The following VAC14 variants were observed in gnomAD, a reference collection of about 807,000 sequenced individuals.
The protein encoded by VAC14 is protein VAC14 homolog.
Under a neutral mutation model 85.3 loss-of-function variants are expected in VAC14, and 47 were observed. The observed-to-expected ratio is 0.55, with a 90% confidence interval of 0.44 to 0.70. The LOEUF (loss-of-function observed/expected upper bound fraction) is 0.70, where lower values mean the gene tolerates loss of function less well. VAC14 is among the 30% of genes least tolerant of loss of function. VAC14 has a pLI of 0.00. For synonymous variants in VAC14, 447 were observed against 430.5 expected, an observed-to-expected ratio of 1.04 and a Z score of -0.47; for missense variants, 861 against 1,004.3, an observed-to-expected ratio of 0.86 and a Z score of 1.93.
intron 12 of VAC14, among the ~76,000 whole-genome samples, chr16:70,746,157 TCTC>T (rs745759060): frequency 3.9e-5 from 6 of 152,130 alleles, no homozygotes; most frequent in East Asian, 1.9e-4. Flanking sequence ...AATTGTCACT[TCTC>T]CTCCTGGTTC....
Position 70,792,233 on chromosome 16 carries a change from A to G in VAC14, c.105-5868T>C, listed in dbSNP as rs549156756. ...GGAAGCAGAGTAAGTGCAGTTGAAA[A>G]CCTGGGCAGCCCCAGTTCCAGGTTT... On this transcript the variant is annotated intron_variant, in intron 1 of 18. Transcript: ENST00000261776. 2.6e-5 allele frequency among the ~76,000 whole-genome samples: 4 copies of G among 152,202 alleles called. No individual in the cohort carries two copies. In the South Asian group the frequency reaches 8.3e-4, roughly 32 times the overall value.
intron 14 of VAC14, among the ~76,000 whole-genome samples, chr16:70,727,487 G>A (rs576587447): frequency 6.6e-6 from 1 of 152,312 alleles, no homozygotes; most frequent in East Asian, 1.9e-4. Flanking sequence ...TTATAGGCAT[G>A]TGCCACCATG....
At chr16:70,797,090 A>C (rs112870520) in intron 1 of VAC14, among the ~76,000 whole-genome samples, 24 of 152,344 alleles carry the variant, frequency 1.6e-4, no homozygotes, top group African/African-American at 5.8e-4. Flanking sequence ...AATTAAAAAA[A>C]TTCAAGAACA....
In VAC14 at chr16:70,731,699, T is replaced by C. The variant is rs2054596681; in HGVS notation, c.1529-72A>G. ...ACAGGGTGATGAGATCCACACAGAA[T>C]ATAAACAACTATAAATGCCAAAAAG... On this transcript the variant is annotated intron_variant, in intron 13 of 18. Transcript: ENST00000261776. 6 of 1,467,850 alleles carry C rather than the reference T, an allele frequency of 4.1e-6. No individual in the cohort carries two copies. In the Admixed American group the frequency reaches 1.1e-4, roughly 26 times the overall value. 90.9% of individuals were successfully genotyped at this position (1,467,850 alleles called of 1,614,324 possible). A position where few individuals can be genotyped will look rare whatever the true frequency, so the allele number is the denominator to read the frequency against.
At chr16:70,695,894 G>A (rs1375913103) in intron 16 of VAC14, 2 of 338,392 alleles carry the variant, frequency 5.9e-6, no homozygotes, top group Non-Finnish European at 1.1e-5. Flanking sequence ...TCACAGCGCT[G>A]CAGCCCGTTG....
intron 9 of VAC14, among the ~76,000 whole-genome samples, chr16:70,777,687 G>A (rs564926545): frequency 2.0e-5 from 3 of 152,226 alleles, no homozygotes; most frequent in Admixed American, 1.3e-4. Context: ...AGAGGAGGAG[G>A]GAGAAGATGC....
rs141398233 is a variant in VAC14 at position 70,738,690 on chromosome 16, A to G, written c.1528+5733T>C. On this transcript the variant is annotated intron_variant, in intron 13 of 18. Coordinates refer to ENST00000261776, the MANE Select transcript of VAC14 (RefSeq NM_018052.5). The stretch of plus-strand genomic sequence containing the variant: ...TCTGGGCAGCAGTGCCGGGGGCCTC[A>G]GGCTCAGGTGATTGGTGCCCCTGCC... Among the ~76,000 whole-genome samples, 559 of 152,348 alleles carry G rather than the reference A, an allele frequency of 3.7e-3. 2 individuals are homozygous for G. The highest frequency in any genetic ancestry group is 0.015 in the South Asian group (71 of 4,828).
intron 1 of VAC14, among the ~76,000 whole-genome samples, chr16:70,790,668 C>T (rs2034293936): frequency 6.6e-6 from 1 of 152,100 alleles, no homozygotes; most frequent in Non-Finnish European, 1.5e-5. Context: ...GGCGTTCCCT[C>T]CCCACCCCCT....
In VAC14 at chr16:70,746,238, C is replaced by G. The variant is rs114305425; in HGVS notation, c.1372-1659G>C. ...CATTCCCGCCCCCTCAGTCTTCAAACAGTGTCACGTGTTGGCACGCAATCT... is the reference window on the plus strand; with the variant it reads ...CATTCCCGCCCCCTCAGTCTTCAAAGAGTGTCACGTGTTGGCACGCAATCT... On this transcript the variant is annotated intron_variant, in intron 12 of 18. Coordinates refer to ENST00000261776, the MANE Select transcript of VAC14 (RefSeq NM_018052.5). Among the ~76,000 whole-genome samples, 657 of 152,272 alleles carry G rather than the reference C, an allele frequency of 4.3e-3. 7 individuals are homozygous for G. The highest frequency in any genetic ancestry group is 0.015 in the African/African-American group (629 of 41,554).
In VAC14 at chr16:70,798,472, G is replaced by A. The variant is rs113792414; in HGVS notation, c.104+2325C>T. Among the ~76,000 whole-genome samples the A allele has an allele frequency of 5.9e-5, 9 of 152,328 alleles. 1 individual carries two copies. The highest frequency in any genetic ancestry group is 2.2e-4 in the African/African-American group (9 of 41,580). On this transcript the variant is annotated intron_variant, in intron 1 of 18. Coordinates refer to ENST00000261776, the MANE Select transcript of VAC14 (RefSeq NM_018052.5). ...TATGTGTACCTGACACATAGAAAGT[G>A]CTCAGACAAGCAAAATGCTGGTGCT...
chr16:70,797,819 C>T (rs1379671593), intron 1 of VAC14, among the ~76,000 whole-genome samples: 1 of 152,100 alleles, frequency 6.6e-6, no homozygotes, highest in East Asian at 1.9e-4. Context: ...GCAGCACCTC[C>T]CTGCTCACTC....
chr16:70,769,286 C>G (rs1473049689), intron 10 of VAC14: 1 of 155,830 alleles, frequency 6.4e-6, no homozygotes, highest in Non-Finnish European at 1.4e-5. Context: ...CTGGGCAGAC[C>G]TGAACTGAGT....
At chr16:70,717,189 C>T (rs1341501377) in intron 14 of VAC14, among the ~76,000 whole-genome samples, 1 of 152,242 alleles carries the variant, frequency 6.6e-6, no homozygotes, top group Admixed American at 6.5e-5. Context: ...AGCACCAGCG[C>T]ACTCTGGCCA....
intron 12 of VAC14, among the ~76,000 whole-genome samples, chr16:70,748,806 T>G (rs1001948857): frequency 6.6e-6 from 1 of 152,106 alleles, no homozygotes; most frequent in Non-Finnish European, 1.5e-5. Context: ...AATTAGTTGG[T>G]ATGGTGCTGC....
rs113708499 is a variant in VAC14, at chr16:70,758,073, G to C, written c.1371+4467C>G. Among the ~76,000 whole-genome samples the C allele has an allele frequency of 7.8e-4, 119 of 152,216 alleles. 1 individual carries two copies. Among genetic ancestry groups the C allele is most frequent in the African/African-American group, 2.8e-3 (116 of 41,512 alleles). On this transcript the variant is annotated intron_variant, in intron 12 of 18. Coordinates refer to ENST00000261776, the MANE Select transcript of VAC14 (RefSeq NM_018052.5). ...TCACATCAAAATTACAAAACACTGA[G>C]AGTACTCATCATAAGTGAATAAAAC... is the stretch of plus-strand genomic sequence containing the variant.
intron 1 of VAC14, among the ~76,000 whole-genome samples, chr16:70,796,554 G>A (rs1426854924): frequency 1.4e-4 from 21 of 152,196 alleles, no homozygotes; most frequent in Non-Finnish European, 2.8e-4. Flanking sequence ...CTAGGTTCTA[G>A]CTGTGAAACC....
rs1597846239 is a variant in VAC14 at position 70,692,965 on chromosome 16, C to T, written c.2042G>A (p.Arg681His). The T allele has an allele frequency of 1.2e-6, 2 of 1,610,654 alleles. No homozygotes were observed. The highest frequency in any genetic ancestry group is 1.7e-6 in the Non-Finnish European group (2 of 1,179,268). The change falls in exon 18 of 19, where the codon CGC (arginine) becomes CAC (histidine). Residue 681 changes from arginine to histidine, a missense_variant. This residue lies in a region of VAC14 where 163 missense variants were observed against 162.2 expected (regional missense o/e 1.00). Transcript: ENST00000261776. ...LIECPIFTYL[R>H]LQLLDVKNNP... Reference sequence around the variant, plus strand: ...GTTCTTCACGTCCAGCAGCTGCAGGCGCAGATCTGGGGTAGGCAGAGGGCA... The same window carrying T: ...GTTCTTCACGTCCAGCAGCTGCAGGTGCAGATCTGGGGTAGGCAGAGGGCA...
intron 3 of VAC14, 47 bp downstream of exon 3, chr16:70,785,655 G>A (rs1363487665): frequency 6.6e-7 from 1 of 1,513,070 alleles, no homozygotes; most frequent in Non-Finnish European, 8.9e-7. Flanking sequence ...CAAGTGAGGT[G>A]GGGGAACCAA....
intron 9 of VAC14, among the ~76,000 whole-genome samples, chr16:70,774,673 T>C (rs931068108): frequency 6.6e-6 from 1 of 151,984 alleles, no homozygotes; most frequent in African/African-American, 2.4e-5. Context: ...GTCTCCCCTT[T>C]TCCTCCATTA....
Sources: allele counts gnomAD v4.1 joint callset (sites outside exome capture counted in the v4.1 genomes callset), GRCh38; gene constraint gnomAD v4.1.1; regional missense constraint gnomAD v4.1.1; transcripts MANE v1.5; gene names NCBI Gene and HGNC (gene_info 2026-07-23, HGNC 2026-07-21).